The following STRBP variants were observed in gnomAD, a reference collection of about 807,000 sequenced individuals.
The protein encoded by STRBP is spermatid perinuclear RNA-binding protein.
Under a neutral mutation model 80.1 loss-of-function variants are expected in STRBP, and 13 were observed. The observed-to-expected ratio is 0.16, with a 90% confidence interval of 0.11 to 0.26. The LOEUF (loss-of-function observed/expected upper bound fraction) is 0.26. Among genes scored for constraint, STRBP ranks in the 10% least tolerant of loss-of-function variants. The pLI is 1.00. For missense variants in STRBP, 485 were observed against 815.2 expected, an observed-to-expected ratio of 0.59 and a Z score of 4.93; for synonymous variants, 284 against 291.2, an observed-to-expected ratio of 0.98 and a Z score of 0.25.
At chr9:123,127,484 G>A (rs1011514890) in intron 18 of STRBP, among the ~76,000 whole-genome samples, 2 of 152,106 alleles carry the variant, frequency 1.3e-5, no homozygotes, top group Non-Finnish European at 2.9e-5. Context: ...CACCTGAGTA[G>A]AAAAAAGTGT....
At chr9:123,200,446 G>A (rs2039273332) in intron 2 of STRBP, among the ~76,000 whole-genome samples, 1 of 152,048 alleles carries the variant, frequency 6.6e-6, no homozygotes, top group South Asian at 2.1e-4. Context: ...GATCTAGGGA[G>A]GATTCCTTCT....
intron 9 of STRBP, 151 bp from the exon 10 acceptor site, chr9:123,158,580 A>T (rs2037391826): frequency 2.5e-5 from 16 of 645,474 alleles, no homozygotes; most frequent in Non-Finnish European, 3.7e-5. Flanking sequence ...AAGTGGAGTA[A>T]AAAGGACACA....
intron 2 of STRBP, among the ~76,000 whole-genome samples, chr9:123,235,508 GAAAA>G (rs200275946): frequency 3.9e-5 from 3 of 77,004 alleles, no homozygotes; most frequent in East Asian, 2.9e-4. Context: ...GCAACTTCAG[GAAAA>G]AAAAAAAAAA....
intron 2 of STRBP, among the ~76,000 whole-genome samples, chr9:123,199,816 G>A (rs1288510893): frequency 6.6e-6 from 1 of 152,130 alleles, no homozygotes; most frequent in Non-Finnish European, 1.5e-5. Flanking sequence ...TCTGCAAACA[G>A]CAATAATTTG....
intron 2 of STRBP, among the ~76,000 whole-genome samples, chr9:123,236,496 G>A (rs1043276261): frequency 6.6e-6 from 1 of 152,048 alleles, no homozygotes; most frequent in African/African-American, 2.4e-5. Flanking sequence ...AGTTCTTAAC[G>A]TACTTTCTGA....
At chr9:123,213,167 A>G (rs151225446) in intron 2 of STRBP, among the ~76,000 whole-genome samples, 1 of 152,220 alleles carries the variant, frequency 6.6e-6, no homozygotes, top group Admixed American at 6.5e-5. Flanking sequence ...TGAAAAGCAC[A>G]GTCTTATATA....
intron 17 of STRBP, among the ~76,000 whole-genome samples, chr9:123,129,529 A>T (rs1028886893): frequency 9.9e-5 from 15 of 151,986 alleles, no homozygotes; most frequent in Non-Finnish European, 2.2e-4. Flanking sequence ...GAATGATTTC[A>T]CTCCCTCCTT....
intron 6 of STRBP, among the ~76,000 whole-genome samples, chr9:123,169,228 T>C (rs1248788837): frequency 6.6e-6 from 1 of 151,450 alleles, no homozygotes; most frequent in African/African-American, 2.4e-5. Flanking sequence ...GAGTGCAGTG[T>C]TGTGATCTCA....
chr9:123,145,210 C>G (rs1422782901), intron 13 of STRBP, among the ~76,000 whole-genome samples: 1 of 152,178 alleles, frequency 6.6e-6, no homozygotes, highest in Non-Finnish European at 1.5e-5. Flanking sequence ...CGAAATTTGT[C>G]AGGGAGCTTA....
chr9:123,166,788 CAACAAA>C (rs1205402465), intron 6 of STRBP, among the ~76,000 whole-genome samples: 2 of 94,480 alleles, frequency 2.1e-5, no homozygotes, highest in Admixed American at 9.5e-5. Flanking sequence ...ACAACAACAA[CAACAAA>C]AAAACAAGCC....
intron 2 of STRBP, among the ~76,000 whole-genome samples, chr9:123,219,565 T>C (rs992077331): frequency 6.6e-6 from 1 of 152,228 alleles, no homozygotes; most frequent in African/African-American, 2.4e-5. Context: ...AAATCCAGTA[T>C]CCACCTCAGT....
intron 1 of STRBP, among the ~76,000 whole-genome samples, chr9:123,247,320 T>A (rs1046074798): frequency 6.6e-6 from 1 of 151,948 alleles, no homozygotes; most frequent in African/African-American, 2.4e-5. Flanking sequence ...CAGGCTGGAG[T>A]ACAGTGCCAC....
At chr9:123,190,976 G>A (rs973068839) in intron 2 of STRBP, among the ~76,000 whole-genome samples, 5 of 152,146 alleles carry the variant, frequency 3.3e-5, no homozygotes, top group African/African-American at 1.2e-4. Context: ...CCGAACACCT[G>A]TAATATCCCA....
At chr9:123,211,351 A>G (rs2039702093) in intron 2 of STRBP, among the ~76,000 whole-genome samples, 1 of 152,220 alleles carries the variant, frequency 6.6e-6, no homozygotes, top group Non-Finnish European at 1.5e-5. Context: ...AAGAATCCAT[A>G]AAGATGTGAT....
At chr9:123,212,201 A>T (rs753318921) in intron 2 of STRBP, among the ~76,000 whole-genome samples, 3 of 152,238 alleles carry the variant, frequency 2.0e-5, no homozygotes, top group Non-Finnish European at 2.9e-5. Flanking sequence ...GGGGAAGGTA[A>T]GACTATAAAA....
At chr9:123,191,288 A>C (rs1299098687) in intron 2 of STRBP, among the ~76,000 whole-genome samples, 2 of 152,110 alleles carry the variant, frequency 1.3e-5, no homozygotes, top group African/African-American at 4.8e-5. Flanking sequence ...AGCCATGCAG[A>C]TGTCTATGAA....
At chr9:123,265,436 G>A (rs987739858) in intron 1 of STRBP, among the ~76,000 whole-genome samples, 4 of 152,110 alleles carry the variant, frequency 2.6e-5, no homozygotes, top group East Asian at 3.8e-4. Context: ...TACACATTAC[G>A]TGAAGCCCAC....
At chr9:123,152,396 T>A (rs2132370385) in intron 11 of STRBP, among the ~76,000 whole-genome samples, 1 of 152,234 alleles carries the variant, frequency 6.6e-6, no homozygotes, top group South Asian at 2.1e-4. Context: ...CTAAATTTTA[T>A]ATATAAATAT....
intron 5 of STRBP, among the ~76,000 whole-genome samples, chr9:123,172,277 A>G (rs2038043884): frequency 6.6e-6 from 1 of 152,246 alleles, no homozygotes; most frequent in Non-Finnish European, 1.5e-5. Context: ...TGTAAGAGTA[A>G]CGATGTTTAC....
Sources: allele counts gnomAD v4.1 joint callset (sites outside exome capture counted in the v4.1 genomes callset), GRCh38; gene constraint gnomAD v4.1.1; transcripts MANE v1.5; gene names NCBI Gene and HGNC (gene_info 2026-07-23, HGNC 2026-07-21).